Variants in MEI1 observed in about 807,000 individuals in gnomAD.
MEI1 encodes meiotic double-stranded break formation protein 1, also known as meiosis inhibitor protein 1.
In MEI1, 103 loss-of-function variants were observed where a neutral mutation model predicts 146.2. The ratio of observed to expected loss-of-function variants is 0.70; its 90% CI spans 0.60 to 0.83. The LOEUF is 0.83. Among genes scored for constraint, MEI1 ranks in the 40% least tolerant of loss-of-function variants. The pLI is 0.00. For missense variants in MEI1, 1,529 were observed against 1,533.0 expected (o/e 1.00, Z 0.04); for synonymous variants, 652 against 628.2 (o/e 1.04, Z -0.57).
chr22:41,717,774 C>G (rs1307128041), intron 5 of MEI1, among the ~76,000 whole-genome samples: 1 of 151,876 alleles, frequency 6.6e-6, no homozygotes, highest in Non-Finnish European at 1.5e-5. Flanking sequence ...TGCCAGCATG[C>G]CCGGCTAATT....
At chr22:41,749,554 C>T (rs1276309695) in intron 15 of MEI1, among the ~76,000 whole-genome samples, 3 of 152,168 alleles carry the variant, frequency 2.0e-5, no homozygotes, top group African/African-American at 7.2e-5. Flanking sequence ...GGGTTACAGA[C>T]GTGAGCCACC....
Position 41,770,966 on chromosome 22 carries a change from G to A in MEI1, c.2544+5G>A. 1 of 1,611,836 alleles carries A rather than the reference G, an allele frequency of 6.2e-7. No homozygotes were observed. The highest frequency in any genetic ancestry group is 8.5e-7 in the Non-Finnish European group (1 of 1,178,620). ...AGCATCCTGCTCATCTTGCTGGTAG[G>A]CAACCACTCATTCATTTCTACATTC... On this transcript the variant is annotated splice_donor_5th_base_variant and intron_variant, in intron 20 of 30. Transcript: ENST00000401548.
At chr22:41,778,891 CT>C in intron 22 of MEI1, 79 bp downstream of exon 22, 1 of 984,154 alleles carries the variant, frequency 1.0e-6, no homozygotes, top group South Asian at 1.4e-5. Context: ...GGCTGGTGTT[CT>C]TCTTTCTTCT....
At chr22:41,751,853 T>C (rs2073776024) in intron 15 of MEI1, among the ~76,000 whole-genome samples, 1 of 150,480 alleles carries the variant, frequency 6.6e-6, no homozygotes, top group African/African-American at 2.4e-5. Flanking sequence ...GGGTGGATCA[T>C]GAGGTCAAGA....
intron 19 of MEI1, among the ~76,000 whole-genome samples, chr22:41,768,345 C>T (rs959306717): frequency 2.0e-5 from 3 of 149,856 alleles, no homozygotes; most frequent in African/African-American, 2.5e-5. Context: ...GCTGAGATTG[C>T]GCCACTGCAT....
intron 18 of MEI1, among the ~76,000 whole-genome samples, chr22:41,760,622 G>C (rs975682169): frequency 2.6e-5 from 4 of 152,160 alleles, no homozygotes; most frequent in African/African-American, 9.7e-5. Context: ...TATTCAGCTG[G>C]GAGCATTGGC....
intron 3 of MEI1, among the ~76,000 whole-genome samples, chr22:41,712,522 A>G (rs1054305037): frequency 2.8e-4 from 43 of 152,138 alleles, no homozygotes; most frequent in African/African-American, 1.0e-3. Context: ...GGCGTGAGCC[A>G]CTGCGCCCGG....
At chr22:41,731,347 A>G (rs985098235) in intron 9 of MEI1, among the ~76,000 whole-genome samples, 4 of 147,294 alleles carry the variant, frequency 2.7e-5, no homozygotes, top group Admixed American at 6.8e-5. Flanking sequence ...CCACCACGCC[A>G]GGCGACTTTT....
At chr22:41,782,245 A>G (rs768146821) in intron 24 of MEI1, among the ~76,000 whole-genome samples, 45 of 152,200 alleles carry the variant, frequency 3.0e-4, no homozygotes, top group Non-Finnish European at 5.7e-4. Flanking sequence ...CAAATTCAGG[A>G]CATGCTCTGT....
intron 22 of MEI1, among the ~76,000 whole-genome samples, chr22:41,780,349 A>G (rs375092314): frequency 6.6e-6 from 1 of 152,110 alleles, no homozygotes; most frequent in Non-Finnish European, 1.5e-5. Context: ...TCAGGGTGTG[A>G]TGTGGCTGCC....
At chr22:41,774,519 G>C (rs538358914) in intron 20 of MEI1, 1 of 152,148 alleles carries the variant, frequency 6.6e-6, no homozygotes, top group African/African-American at 2.4e-5. Flanking sequence ...AAATTATCTA[G>C]ATTCTCTCTA....
intron 19 of MEI1, among the ~76,000 whole-genome samples, 177 bp from the exon 20 acceptor site, chr22:41,770,509 C>T (rs144191994): frequency 1.3e-5 from 2 of 152,198 alleles, no homozygotes; most frequent in Middle Eastern, 3.4e-3. Flanking sequence ...TTGATAACTT[C>T]TGTTATAAGG....
At chr22:41,746,852 G>A (rs1020987405) in intron 14 of MEI1, among the ~76,000 whole-genome samples, 9 of 152,072 alleles carry the variant, frequency 5.9e-5, no homozygotes, top group African/African-American at 2.2e-4. Context: ...CAGGAACCCT[G>A]GACTGTGGCC....
chr22:41,765,253 C>T (rs959866128), intron 19 of MEI1, among the ~76,000 whole-genome samples: 3 of 152,118 alleles, frequency 2.0e-5, no homozygotes, highest in East Asian at 1.9e-4. Flanking sequence ...TGACCTCAGG[C>T]GATCCACCCA....
At chr22:41,729,157 T>C (rs1601785440) in intron 7 of MEI1, among the ~76,000 whole-genome samples, 1 of 75,246 alleles carries the variant, frequency 1.3e-5, no homozygotes. Context: ...AGAGTGAGAC[T>C]CCGTCTCAAA....
chr22:41,748,889 C>T (rs758642985), intron 15 of MEI1, among the ~76,000 whole-genome samples: 3 of 151,842 alleles, frequency 2.0e-5, no homozygotes, highest in African/African-American at 2.4e-5. Context: ...CTGCCAGCTT[C>T]GCCTCCCAGG....
chr22:41,723,823 C>G, intron 6 of MEI1, 120 bp from the exon 7 acceptor site: 1 of 1,259,898 alleles, frequency 7.9e-7, no homozygotes, highest in Non-Finnish European at 1.1e-6. Flanking sequence ...GGATTCTAAC[C>G]ATTCTTCATA....
intron 11 of MEI1, 94 bp from the exon 12 acceptor site, chr22:41,742,986 C>A: frequency 1.2e-6 from 1 of 804,970 alleles, no homozygotes; most frequent in Admixed American, 2.1e-5. Context: ...ATGTTCTGAT[C>A]CAACTGCACT....
At position 41,719,034 on chromosome 22, in the gene MEI1, C is replaced by T. The variant is rs1199356682; in HGVS notation, c.733+760C>T. ...GTCTCACACTGTTGCCCAGGCCGGA[C>T]TGCAGTGGCGCAATCTTGGCTCACT... On this transcript the variant is annotated intron_variant, in intron 6 of 30. Transcript: ENST00000401548. Among the ~76,000 whole-genome samples the T allele has an allele frequency of 6.9e-5, 10 of 145,330 alleles. No homozygotes were observed. In the East Asian group the frequency reaches 1.6e-3, roughly 23 times the overall value.
Sources: allele counts gnomAD v4.1 joint callset (sites outside exome capture counted in the v4.1 genomes callset), GRCh38; gene constraint gnomAD v4.1.1; transcripts MANE v1.5; gene names NCBI Gene and HGNC (gene_info 2026-07-23, HGNC 2026-07-21).